The following POM121C variants were observed in gnomAD, a reference collection of about 807,000 sequenced individuals.
POM121C encodes nuclear envelope pore membrane protein POM 121C.
Under a neutral mutation model 66.4 loss-of-function variants are expected in POM121C, and 20 were observed. The observed-to-expected ratio is 0.30, with a 90% confidence interval of 0.21 to 0.44. The LOEUF (loss-of-function observed/expected upper bound fraction) is 0.44. Among genes scored for constraint, POM121C ranks in the 20% least tolerant of loss-of-function variants. The pLI, the probability that POM121C is intolerant of heterozygous loss-of-function variation, is 1.00. For synonymous variants in POM121C, 286 were observed against 528.0 expected, an observed-to-expected ratio of 0.54 and a Z score of 6.28; for missense variants, 580 against 1,225.7, an observed-to-expected ratio of 0.47 and a Z score of 7.87.
chr7:75,469,732 G>A (rs71554677), intron 3 of POM121C, among the ~76,000 whole-genome samples: 1 of 152,118 alleles, frequency 6.6e-6, no homozygotes, highest in African/African-American at 2.4e-5. Context: ...GCTGAACTTC[G>A]CTCCAGCCTC....
chr7:75,429,344 A>G (rs185596504), intron 7 of POM121C, among the ~76,000 whole-genome samples: 28 of 152,304 alleles, frequency 1.8e-4, no homozygotes, highest in Non-Finnish European at 3.8e-4. Context: ...AAAACCATAT[A>G]CCTAGGGCCA....
chr7:75,417,267 C>G lies in POM121C; in HGVS notation c.*1529G>C. On this transcript the variant is annotated 3_prime_UTR_variant, in exon 15 of 15. Transcript: ENST00000615331. ...TAACATGGCCAGAAGGAGCTCTAGT[C>G]CCCCAGGAAAGCTGCCGGGGACAGC... is the stretch of plus-strand genomic sequence containing the variant. 1.1e-6 allele frequency: 1 copy of G among 884,392 alleles called. No homozygotes were observed. The highest frequency in any genetic ancestry group is 1.4e-6 in the Non-Finnish European group (1 of 737,382). 54.8% of individuals were successfully genotyped at this position (884,392 alleles called of 1,614,324 possible).
Position 75,424,557 on chromosome 7 carries a change from C to A in POM121C, c.840G>T (p.Gln280His), listed in dbSNP as rs1789858617. ...DLDLEKKASL[Q>H]WFNQALEDKS... ...TGTCCTCCAAGGCCTGGTTGAACCACTGTAATGAAGCCTTCTTCTCTAAGT... is the reference window on the plus strand; with the variant it reads ...TGTCCTCCAAGGCCTGGTTGAACCAATGTAATGAAGCCTTCTTCTCTAAGT... The change falls in exon 11 of 15, where the codon CAG becomes CAT. Residue 280 changes from glutamine (Q) to histidine (H), a missense_variant. Transcript: ENST00000615331. 6.2e-7 allele frequency: 1 copy of A among 1,614,014 alleles called. No homozygotes were observed. The highest frequency in any genetic ancestry group is 8.5e-7 in the Non-Finnish European group (1 of 1,179,876).
chr7:75,479,477 G>T (rs1308713346), intron 1 of POM121C, among the ~76,000 whole-genome samples: 1 of 146,028 alleles, frequency 6.8e-6, no homozygotes, highest in East Asian at 2.0e-4. Context: ...TTAGCCGGGC[G>T]TGATGGTGGG....
At position 75,423,908 on chromosome 7, in the gene POM121C, A is replaced by G. The variant is rs587755149; in HGVS notation, c.1048+141T>C. 423 of 1,488,724 alleles carry G rather than the reference A, an allele frequency of 2.8e-4. 2 individuals are homozygous for G. The African/African-American group carries it at 3.7e-3, about 13-fold the overall frequency. 92.2% of individuals were successfully genotyped at this position (1,488,724 alleles called of 1,614,324 possible). ...TGTGGGCTCCGGCGCTGTTAAACGT[A>G]GGCCCGCTCCGGTGTGCTGAGCCAG... On this transcript the variant is annotated intron_variant, in intron 12 of 14. Coordinates refer to ENST00000615331, the MANE Select transcript of POM121C (RefSeq NM_001099415.3).
chr7:75,419,247 G>A lies in POM121C; in HGVS notation c.2866+73C>T, dbSNP rs751142357. ...CCTGATCTTCACGGGGCCTCAGAGG[G>A]CCAGGAGCCTGCCACCCCACCCAAC... is the stretch of plus-strand genomic sequence containing the variant. On this transcript the variant is annotated intron_variant, in intron 14 of 14. Transcript: ENST00000615331. 333 of 1,524,286 alleles carry A rather than the reference G, an allele frequency of 2.2e-4. 1 individual carries two copies. Among genetic ancestry groups the A allele is most frequent in the Non-Finnish European group, 2.7e-4 (312 of 1,137,140 alleles). The allele number at this position is 1,524,286 out of a possible 1,614,324, so 94.4% of individuals were successfully genotyped here.
At chr7:75,452,524 T>C (rs1400900270) in intron 3 of POM121C, among the ~76,000 whole-genome samples, 2 of 152,212 alleles carry the variant, frequency 1.3e-5, no homozygotes, top group African/African-American at 4.8e-5. Flanking sequence ...TCCGAATAGA[T>C]GTCAGTTAAT....
intron 6 of POM121C, among the ~76,000 whole-genome samples, chr7:75,438,736 T>G (rs1186662370): frequency 3.3e-5 from 5 of 152,216 alleles, no homozygotes; most frequent in Admixed American, 6.5e-5. Flanking sequence ...GGTATCTAAG[T>G]TATCCTAAGT....
At chr7:75,443,119 T>C (rs1475017571) in intron 3 of POM121C, among the ~76,000 whole-genome samples, 12 of 152,174 alleles carry the variant, frequency 7.9e-5, no homozygotes, top group Non-Finnish European at 1.3e-4. Flanking sequence ...GGCTGAGTTT[T>C]CCCCCCCACT....
At chr7:75,479,724 C>T (rs587706697) in intron 1 of POM121C, among the ~76,000 whole-genome samples, 9 of 151,738 alleles carry the variant, frequency 5.9e-5, no homozygotes, top group South Asian at 4.2e-4. Flanking sequence ...AAATGAACAA[C>T]GGTGTAAAGA....
chr7:75,465,335 G>A (rs1156361690), intron 3 of POM121C, among the ~76,000 whole-genome samples: 5 of 151,852 alleles, frequency 3.3e-5, no homozygotes, highest in Non-Finnish European at 5.9e-5. Flanking sequence ...ACTGGGTGTG[G>A]TGGCTCATGC....
In POM121C at chr7:75,476,040, G is replaced by A. The variant is rs78959814; in HGVS notation, c.-457-852C>T. On this transcript the variant is annotated intron_variant, in intron 1 of 14. Coordinates refer to ENST00000615331, the MANE Select transcript of POM121C (RefSeq NM_001099415.3). ...CATGCCTATAATCCTAGCACTTTGG[G>A]AGGACGAGATGGGAAGATCGTTTGA... is the stretch of plus-strand genomic sequence containing the variant. 5.3e-3 allele frequency among the ~76,000 whole-genome samples: 805 copies of A among 152,288 alleles called. 19 individuals carry two copies. Among genetic ancestry groups the A allele is most frequent in the East Asian group, 0.043 (221 of 5,190 alleles).
At chr7:75,458,030 C>T (rs1180863456) in intron 3 of POM121C, among the ~76,000 whole-genome samples, 1 of 152,294 alleles carries the variant, frequency 6.6e-6, no homozygotes, top group South Asian at 2.1e-4. Flanking sequence ...GTCAGATTTA[C>T]TTCAGCCTCA....
chr7:75,476,303 A>AAG (rs1792074152), intron 1 of POM121C, among the ~76,000 whole-genome samples: 1 of 151,768 alleles, frequency 6.6e-6, no homozygotes, highest in Non-Finnish European at 1.5e-5. Context: ...AAAAAAAAAA[A>AAG]AAAGAAAAAT....
In POM121C at chr7:75,466,746, C is replaced by G. The variant is rs587697007; in HGVS notation, c.-152+7958G>C. Among the ~76,000 whole-genome samples the G allele has an allele frequency of 8.8e-5, 13 of 148,330 alleles. No individual in the cohort carries two copies. The East Asian group carries it at 2.5e-3, about 29-fold the overall frequency. ...ATAAGAAATCCCTAGCCAGACTAAT[C>G]AAAGAAAAAAAAAAAGCAAAGAGAG... On this transcript the variant is annotated intron_variant, in intron 3 of 14. Transcript: ENST00000615331.
intron 3 of POM121C, among the ~76,000 whole-genome samples, chr7:75,463,287 T>C (rs1181747117): frequency 6.6e-6 from 1 of 152,024 alleles, no homozygotes; most frequent in Non-Finnish European, 1.5e-5. Context: ...GAGGCTGCAG[T>C]GAGCCAAGAT....
At position 75,421,736 on chromosome 7, in the gene POM121C, C is replaced by T. The variant is rs781893855; in HGVS notation, c.2516G>A (p.Gly839Asp). ...STTPSPFTFG[G>D]SAAPAGSGSF... is the part of the protein sequence containing the mutation. ...CCCACTGCCAGCGGGGGCTGCCGAA[C>T]CCCCAAACGTGAAGGGTGATGGTGT... The change falls in exon 13 of 15, where the codon GGT becomes GAT. Residue 839 changes from glycine (G) to aspartate (D), a missense_variant. Physicochemically the swap from Gly to Asp is moderately conservative, Grantham distance 94 (BLOSUM62 -1). Coordinates refer to ENST00000615331, the MANE Select transcript of POM121C (RefSeq NM_001099415.3). The T allele has an allele frequency of 1.2e-5, 20 of 1,608,176 alleles. No homozygotes were observed. The highest frequency in any genetic ancestry group is 2.2e-5 in the East Asian group (1 of 44,778).
intron 3 of POM121C, among the ~76,000 whole-genome samples, chr7:75,468,259 G>C (rs1247202851): frequency 6.7e-6 from 1 of 149,536 alleles, no homozygotes; most frequent in African/African-American, 2.5e-5. Context: ...GCCTTCCCAG[G>C]TATCTCATCC....
intron 1 of POM121C, among the ~76,000 whole-genome samples, chr7:75,482,517 G>A (rs1292649843): frequency 3.3e-5 from 5 of 152,146 alleles, no homozygotes; most frequent in Non-Finnish European, 7.4e-5. Flanking sequence ...GTGAAAGCCA[G>A]TCTCTACTAA....
Sources: allele counts gnomAD v4.1 joint callset (sites outside exome capture counted in the v4.1 genomes callset), GRCh38; gene constraint gnomAD v4.1.1; transcripts MANE v1.5; gene names NCBI Gene and HGNC (gene_info 2026-07-23, HGNC 2026-07-21).